CAB39L: variants seen among roughly 807,000 people sequenced by gnomAD.
CAB39L encodes the protein calcium binding protein 39 like.
Under a neutral mutation model 39.1 loss-of-function variants are expected in CAB39L, and 23 were observed. The ratio of observed to expected loss-of-function variants is 0.59; its 90% CI spans 0.42 to 0.83. The LOEUF (loss-of-function observed/expected upper bound fraction) is 0.83, where lower values mean the gene tolerates loss of function less well. Ranked by LOEUF, CAB39L falls within the 40% of genes least tolerant of loss-of-function variation. The pLI, the probability that CAB39L is intolerant of heterozygous loss-of-function variation, is 0.00. For synonymous variants in CAB39L, 126 were observed against 137.2 expected (o/e 0.92, Z 0.57); for missense variants, 366 against 391.9 (o/e 0.93, Z 0.56).
intron 3 of CAB39L, among the ~76,000 whole-genome samples, chr13:49,386,941 T>C (rs1248333542): frequency 6.6e-6 from 1 of 152,164 alleles, no homozygotes; most frequent in Non-Finnish European, 1.5e-5. Flanking sequence ...TGCTGGTCAC[T>C]ATATATACAT....
chr13:49,426,256 T>A (rs762185739), intron 3 of CAB39L, among the ~76,000 whole-genome samples: 1 of 152,214 alleles, frequency 6.6e-6, no homozygotes, highest in Non-Finnish European at 1.5e-5. Context: ...GGCCCTTTTA[T>A]GTGACTGAAA....
chr13:49,377,011 G>C lies in CAB39L; in HGVS notation c.232C>G (p.Leu78Val), dbSNP rs756625244. The change falls in exon 5 of 11, where the codon CTG (leucine) becomes GTG (valine). Residue 78 changes from leucine (L) to valine (V), a missense_variant. Transcript: ENST00000409308. Reference protein sequence around the residue: ...QLAQELYSSGLLVTLIADLQL... With the variant: ...QLAQELYSSGVLVTLIADLQL... Reference sequence around the variant, plus strand: ...AGGTCAGCTATCAGTGTCACTAGCAGGCCACTGCTGTAGAGTTCTTGTGCT... The same window carrying C: ...AGGTCAGCTATCAGTGTCACTAGCACGCCACTGCTGTAGAGTTCTTGTGCT... 2.1e-5 allele frequency: 34 copies of C among 1,613,474 alleles called. No homozygotes were observed. The Admixed American group carries it at 5.7e-4, about 27-fold the overall frequency.
intron 8 of CAB39L, among the ~76,000 whole-genome samples, chr13:49,343,445 G>A (rs1435900340): frequency 1.3e-5 from 2 of 152,136 alleles, no homozygotes; most frequent in African/African-American, 4.8e-5. Context: ...AGACTCTAAA[G>A]TCCATACTGT....
chr13:49,352,686 G>A (rs1955389034), intron 6 of CAB39L, among the ~76,000 whole-genome samples: 1 of 152,168 alleles, frequency 6.6e-6, no homozygotes, highest in Non-Finnish European at 1.5e-5. Context: ...AGCTACTCAG[G>A]AGGCTGAGGT....
Position 49,332,031 on chromosome 13 carries a change from G to A in CAB39L, c.750C>T (p.Ser250=). The A allele has an allele frequency of 6.2e-7, 1 of 1,614,082 alleles. No individual in the cohort carries two copies. Residue 250 remains serine (S), a synonymous_variant, in exon 10 of 11, where the codon AGC becomes AGT. Coordinates refer to ENST00000409308, the MANE Select transcript of CAB39L (RefSeq NM_001079670.3). The part of the protein sequence containing the change: ...HNFAIMTKYI[S]KPENLKLMMN... ...TCATGAGTTTCAGGTTCTCCGGCTTGCTGATATACTTTGTCATGATGGCAA... is the reference window on the plus strand; with the variant it reads ...TCATGAGTTTCAGGTTCTCCGGCTTACTGATATACTTTGTCATGATGGCAA...
At chr13:49,393,021 GGTATAAA>G (rs2138626885) in intron 3 of CAB39L, 1 of 151,900 alleles carries the variant, frequency 6.6e-6, no homozygotes, top group African/African-American at 2.4e-5. Flanking sequence ...ACTAAAAGGA[GGTATAAA>G]ACAAAGGTCA....
intron 3 of CAB39L, among the ~76,000 whole-genome samples, chr13:49,410,756 A>G (rs1956974272): frequency 1.3e-5 from 2 of 152,234 alleles, no homozygotes; most frequent in African/African-American, 4.8e-5. Flanking sequence ...TATGGCAAAC[A>G]AACACATAGC....
intron 3 of CAB39L, among the ~76,000 whole-genome samples, chr13:49,418,033 C>A (rs1957113102): frequency 6.6e-6 from 1 of 152,106 alleles, no homozygotes; most frequent in Admixed American, 6.6e-5. Context: ...TATGACCCAG[C>A]AATCCCACTC....
chr13:49,380,056 G>T (rs1956220616), intron 4 of CAB39L, among the ~76,000 whole-genome samples: 1 of 152,064 alleles, frequency 6.6e-6, no homozygotes, highest in East Asian at 1.9e-4. Flanking sequence ...TAACCAGATG[G>T]TCTCGATCTC....
At chr13:49,381,354 A>G (rs1310879087) in intron 4 of CAB39L, among the ~76,000 whole-genome samples, 1 of 152,194 alleles carries the variant, frequency 6.6e-6, no homozygotes. Flanking sequence ...TTAAACATAC[A>G]TGGAGAGTAT....
intron 3 of CAB39L, among the ~76,000 whole-genome samples, chr13:49,400,153 G>C (rs147813039): frequency 6.6e-6 from 1 of 152,142 alleles, no homozygotes; most frequent in Non-Finnish European, 1.5e-5. Context: ...GGATTCACTT[G>C]AATCAATAAC....
chr13:49,326,659 T>C (rs1383185065), intron 10 of CAB39L, among the ~76,000 whole-genome samples: 1 of 152,208 alleles, frequency 6.6e-6, no homozygotes, highest in African/African-American at 2.4e-5. Context: ...AAGTAAACAA[T>C]GTAGTTCATA....
intron 10 of CAB39L, among the ~76,000 whole-genome samples, chr13:49,323,720 A>G (rs1306814278): frequency 4.6e-5 from 7 of 152,192 alleles, no homozygotes; most frequent in African/African-American, 1.7e-4. Context: ...ATTTTGTCAG[A>G]AAGATTTTTT....
chr13:49,337,855 AT>A (rs1386048890), intron 9 of CAB39L, among the ~76,000 whole-genome samples: 1 of 151,750 alleles, frequency 6.6e-6, no homozygotes, highest in Admixed American at 6.6e-5. Context: ...AAAACTATGT[AT>A]TTATTTGTTT....
At chr13:49,387,755 T>C (rs1341565367) in intron 3 of CAB39L, among the ~76,000 whole-genome samples, 2 of 152,100 alleles carry the variant, frequency 1.3e-5, no homozygotes, top group African/African-American at 4.8e-5. Flanking sequence ...CAAAAAGCTC[T>C]TTTAGACAAA....
intron 3 of CAB39L, among the ~76,000 whole-genome samples, chr13:49,428,231 CA>C (rs1219870665): frequency 6.6e-6 from 1 of 152,164 alleles, no homozygotes; most frequent in Non-Finnish European, 1.5e-5. Flanking sequence ...ACTCAAATGT[CA>C]GCCTCAGGCA....
chr13:49,419,054 C>T (rs924650929), intron 3 of CAB39L, among the ~76,000 whole-genome samples: 44 of 152,060 alleles, frequency 2.9e-4, no homozygotes, highest in African/African-American at 9.4e-4. Flanking sequence ...TGCCACCTCT[C>T]CCTCCCAGGT....
At chr13:49,407,675 T>C (rs990902870) in intron 3 of CAB39L, among the ~76,000 whole-genome samples, 3 of 151,772 alleles carry the variant, frequency 2.0e-5, no homozygotes, top group Admixed American at 2.0e-4. Flanking sequence ...GGTTTTACAG[T>C]TATTTATATT....
intron 5 of CAB39L, 23 bp downstream of exon 5, chr13:49,376,944 A>T (rs1956082103): frequency 1.3e-6 from 2 of 1,554,626 alleles, no homozygotes; most frequent in South Asian, 2.4e-5. Context: ...AGCACCACTG[A>T]CATCCTTTTA....
Sources: gnomAD v4.1 joint callset for allele counts (sites outside exome capture counted in the v4.1 genomes callset) on GRCh38, gnomAD v4.1.1 for gene constraint, MANE v1.5 for transcripts, NCBI Gene and HGNC (gene_info 2026-07-23, HGNC 2026-07-21) for gene names.